Variants in VTA1 observed in about 807,000 individuals in gnomAD.
VTA1 encodes the protein vesicle trafficking 1.
A neutral mutation model predicts 36.9 loss-of-function variants in VTA1; 24 were observed. The ratio of observed to expected loss-of-function variants is 0.65; its 90% confidence interval spans 0.47 to 0.91. VTA1 has a LOEUF of 0.91. Among genes scored for constraint, VTA1 ranks in the 40% least tolerant of loss-of-function variants. The pLI, the probability that VTA1 is intolerant of heterozygous loss-of-function variation, is 0.00. For missense variants in VTA1, 393 were observed against 377.2 expected, an observed-to-expected ratio of 1.04 and a Z score of -0.35; for synonymous variants, 142 against 130.2, an observed-to-expected ratio of 1.09 and a Z score of -0.62.
rs896199258 is a variant in VTA1, at chr6:142,174,100, C to T, written c.411+3679C>T. On this transcript the variant is annotated intron_variant, in intron 4 of 7. Coordinates refer to ENST00000367630, the MANE Select transcript of VTA1 (RefSeq NM_016485.5). ...CCACCTGGATCACTGCTTAGTGGAG[C>T]TGTAGGAGCGGGACTGCCACCACCC... 7.2e-5 allele frequency among the ~76,000 whole-genome samples: 11 copies of T among 152,140 alleles called. 1 individual carries two copies. Among genetic ancestry groups the T allele is most frequent in the African/African-American group, 2.7e-4 (11 of 41,422 alleles).
intron 5 of VTA1, among the ~76,000 whole-genome samples, chr6:142,198,145 GTGTGTGTGTGTGTGTGTGTA>G (rs1562266850): frequency 6.1e-5 from 9 of 148,720 alleles, no homozygotes; most frequent in South Asian, 2.1e-4. Context: ...GTGTGTGTGT[GTGTGTGTGTGTGTGTGTGTA>G]TATGTGTGTA....
At chr6:142,171,432 A>G (rs1775027929) in intron 4 of VTA1, among the ~76,000 whole-genome samples, 1 of 152,110 alleles carries the variant, frequency 6.6e-6, no homozygotes, top group South Asian at 2.1e-4. Context: ...TTTCTGTTTA[A>G]TTTCTAGTCA....
At chr6:142,162,193 G>A (rs187325907) in intron 1 of VTA1, among the ~76,000 whole-genome samples, 9 of 152,308 alleles carry the variant, frequency 5.9e-5, no homozygotes, top group Middle Eastern at 3.4e-3. Context: ...TATGTGCTGC[G>A]TTAATTATCT....
rs879182887 is a variant in VTA1 at position 142,166,364 on chromosome 6, A to G, written c.207+42A>G. On this transcript the variant is annotated intron_variant, in intron 2 of 7. Transcript: ENST00000367630. Reference sequence around the variant, plus strand: ...TCATTTATTTTCTGGTTATGGTTAAAATACCATTTTATTCATTTGCGTGTC... The same window carrying G: ...TCATTTATTTTCTGGTTATGGTTAAGATACCATTTTATTCATTTGCGTGTC... The G allele has an allele frequency of 7.8e-6, 11 of 1,417,950 alleles. No individual in the cohort carries two copies. The African/African-American group carries it at 1.4e-4, about 18-fold the overall frequency. The allele number at this position is 1,417,950 out of a possible 1,614,324, so 87.8% of individuals were successfully genotyped here. A position where few individuals can be genotyped will look rare whatever the true frequency, so the allele number is the denominator to read the frequency against.
chr6:142,187,753 A>T (rs1775366785), intron 4 of VTA1, among the ~76,000 whole-genome samples: 1 of 152,210 alleles, frequency 6.6e-6, no homozygotes, highest in Admixed American at 6.5e-5. Flanking sequence ...CAAATTTAGT[A>T]ATTTAGGGGT....
At chr6:142,164,169 A>G (rs2114639493) in intron 1 of VTA1, among the ~76,000 whole-genome samples, 1 of 152,302 alleles carries the variant, frequency 6.6e-6, no homozygotes, top group South Asian at 2.1e-4. Flanking sequence ...AATTTTGGCA[A>G]TACAGTAAGA....
chr6:142,186,936 T>C (rs1449814086), intron 4 of VTA1, among the ~76,000 whole-genome samples: 1 of 152,058 alleles, frequency 6.6e-6, no homozygotes, highest in African/African-American at 2.4e-5. Context: ...ATATGATGTA[T>C]GAACTTGAGA....
At chr6:142,188,225 C>CTTTTTTTTTTTTTTTT (rs200348683) in intron 4 of VTA1, among the ~76,000 whole-genome samples, 4 of 78,966 alleles carry the variant, frequency 5.1e-5, no homozygotes, top group Admixed American at 1.3e-4. Context: ...TTCTTTATTT[C>CTTTTTTTTTTTTTTTT]TTTTTTTTTT....
At chr6:142,157,869 G>T (rs1373815485) in intron 1 of VTA1, among the ~76,000 whole-genome samples, 3 of 131,366 alleles carry the variant, frequency 2.3e-5, no homozygotes, top group East Asian at 3.6e-4. Flanking sequence ...TACTATTTTG[G>T]GTTTTTTTTT....
intron 1 of VTA1, among the ~76,000 whole-genome samples, chr6:142,153,047 CAT>C (rs1040388587): frequency 2.0e-5 from 3 of 152,214 alleles, no homozygotes; most frequent in Middle Eastern, 3.4e-3. Context: ...CCCCTCATCA[CAT>C]GTGTTATAAT....
chr6:142,174,256 A>C (rs1775077737), intron 4 of VTA1, among the ~76,000 whole-genome samples: 1 of 152,236 alleles, frequency 6.6e-6, no homozygotes, highest in Non-Finnish European at 1.5e-5. Context: ...AGAGCTGCCC[A>C]AGGCCACCAC....
At chr6:142,181,578 T>A (rs1010637447) in intron 4 of VTA1, among the ~76,000 whole-genome samples, 4 of 151,576 alleles carry the variant, frequency 2.6e-5, no homozygotes, top group East Asian at 1.9e-4. Context: ...GTGCTATTTT[T>A]AAAACTTTCT....
In VTA1 at chr6:142,221,056, CTT is replaced by C. The variant is rs911886965; in HGVS notation, c.*2414_*2415del. The stretch of plus-strand genomic sequence containing the variant: ...CCAGCCTTCTGAGTTTTAAGAGACA[CTT>C]AAGGTGGTCCCTAAAGTTCGAGTGG... On this transcript the variant is annotated 3_prime_UTR_variant, in exon 8 of 8. Transcript: ENST00000367630. The C allele has an allele frequency of 6.6e-6, 1 of 152,168 alleles. No homozygotes were observed. Among genetic ancestry groups the C allele is most frequent in the African/African-American group, 2.4e-5 (1 of 41,446 alleles). The allele number at this position is 152,168 out of a possible 1,614,324, so 9.4% of individuals were successfully genotyped here. A position where few individuals can be genotyped will look rare whatever the true frequency, so the allele number is the denominator to read the frequency against.
rs143067530 is a variant in VTA1 at position 142,156,326 on chromosome 6, A to G, written c.112+8927A>G. Among the ~76,000 whole-genome samples the G allele has an allele frequency of 3.2e-4, 48 of 152,318 alleles. 1 individual carries two copies. Among genetic ancestry groups the G allele is most frequent in the African/African-American group, 1.7e-4 (7 of 41,580 alleles). The stretch of plus-strand genomic sequence containing the variant: ...AACTGAGGGGAAAGGGACTAGTACA[A>G]TCCATGGCAAAAGAAAAAGGCAAAA... On this transcript the variant is annotated intron_variant, in intron 1 of 7. Coordinates refer to ENST00000367630, the MANE Select transcript of VTA1 (RefSeq NM_016485.5).
At chr6:142,179,775 T>C (rs1775192728) in intron 4 of VTA1, among the ~76,000 whole-genome samples, 1 of 152,224 alleles carries the variant, frequency 6.6e-6, no homozygotes, top group South Asian at 2.1e-4. Context: ...ATGTTCGTTT[T>C]ACTGCAGAAG....
rs562187579 is a variant in VTA1 at position 142,219,450 on chromosome 6, C to G, written c.*807C>G. On this transcript the variant is annotated 3_prime_UTR_variant, in exon 8 of 8. Transcript: ENST00000367630. ...CTGCTGCTGTAGAATGGATTCCACA[C>G]AGTGGATAGCTATGGGTGATTCAGA... The G allele has an allele frequency of 6.6e-6, 1 of 152,302 alleles. No individual in the cohort carries two copies. The highest frequency in any genetic ancestry group is 1.9e-4 in the East Asian group (1 of 5,182). 9.4% of individuals were successfully genotyped at this position (152,302 alleles called of 1,614,324 possible).
At chr6:142,199,535 A>G (rs1055058093) in intron 6 of VTA1, among the ~76,000 whole-genome samples, 22 of 152,036 alleles carry the variant, frequency 1.4e-4, no homozygotes, top group African/African-American at 5.1e-4. Flanking sequence ...GTAACACACT[A>G]CTACTTTACT....
intron 1 of VTA1, among the ~76,000 whole-genome samples, chr6:142,147,685 A>G (rs1435167147): frequency 1.3e-5 from 2 of 152,236 alleles, no homozygotes; most frequent in South Asian, 2.1e-4. Context: ...CTGTGTGTGT[A>G]CACACAAGAG....
chr6:142,166,239 G>A lies in VTA1; in HGVS notation c.124G>A (p.Ala42Thr), dbSNP rs767801276. Residue 42 changes from alanine to threonine, a missense_variant, in exon 2 of 8, where the codon GCA becomes ACA. By Grantham distance (58) the Ala-to-Thr change is moderately conservative (BLOSUM62 0). Coordinates refer to ENST00000367630, the MANE Select transcript of VTA1 (RefSeq NM_016485.5). ...PVVAYYCRLY[A>T]MQTGMKIDSK... is the part of the protein sequence containing the mutation. ...ACTTTTCTTTCTAGGTCGTTTATAC[G>A]CAATGCAGACTGGAATGAAGATCGA... 1.6e-5 allele frequency: 25 copies of A among 1,605,708 alleles called. No homozygotes were observed. In the East Asian group the frequency reaches 1.8e-4, roughly 12 times the overall value.
Sources: allele counts gnomAD v4.1 joint callset (sites outside exome capture counted in the v4.1 genomes callset), GRCh38; gene constraint gnomAD v4.1.1; transcripts MANE v1.5; gene names NCBI Gene and HGNC (gene_info 2026-07-23, HGNC 2026-07-21).